Variants in GPC5 observed in about 807,000 individuals in gnomAD.
GPC5 encodes the protein glypican-5.
GPC5 carries 47 observed loss-of-function variants against 53.9 expected under a neutral mutation model. That is an observed-to-expected ratio of 0.87 (90% CI 0.69 to 1.11). The LOEUF (loss-of-function observed/expected upper bound fraction) is 1.11, where lower values mean the gene tolerates loss of function less well. Among genes scored for constraint, GPC5 ranks in the 50% most tolerant of loss-of-function variants. The probability of loss-of-function intolerance (pLI) is 0.00; values close to 1 mark genes in which losing one functional copy is unlikely to be tolerated. For synonymous variants in GPC5, 286 were observed against 263.3 expected, an observed-to-expected ratio of 1.09 and a Z score of -0.84; for missense variants, 748 against 713.1, an observed-to-expected ratio of 1.05 and a Z score of -0.56.
chr13:92,429,221 C>T (rs1252047839), intron 7 of GPC5, among the ~76,000 whole-genome samples: 5 of 151,818 alleles, frequency 3.3e-5, no homozygotes, highest in African/African-American at 1.2e-4. Context: ...TCATGAAAAA[C>T]CATTCAAAAT....
In GPC5 at chr13:91,605,347, G is replaced by T. The variant is rs1422772234; in HGVS notation, c.326-87840G>T. 2.2e-3 allele frequency among the ~76,000 whole-genome samples: 316 copies of T among 143,402 alleles called. 2 individuals carry two copies. The highest frequency in any genetic ancestry group is 7.8e-3 in the African/African-American group (300 of 38,464). 94.1% of individuals were successfully genotyped at this position (143,402 alleles called of 152,430 possible). The stretch of plus-strand genomic sequence containing the variant: ...TTGGTACCAGTACCATGCTGTTTTG[G>T]TTACTGTAGCCTTGTAGTATAGTTT... On this transcript the variant is annotated intron_variant, in intron 2 of 7. Coordinates refer to ENST00000377067, the MANE Select transcript of GPC5 (RefSeq NM_004466.6).
At chr13:92,768,375 T>G (rs1411394970) in intron 7 of GPC5, among the ~76,000 whole-genome samples, 1 of 152,208 alleles carries the variant, frequency 6.6e-6, no homozygotes, top group Non-Finnish European at 1.5e-5. Context: ...GGTTCATTAA[T>G]TCCTGTTCCT....
chr13:92,018,169 G>T (rs1181835905), intron 6 of GPC5, among the ~76,000 whole-genome samples: 2 of 152,116 alleles, frequency 1.3e-5, no homozygotes, highest in African/African-American at 4.8e-5. Context: ...TTTGAGAATT[G>T]CATAAATGCC....
chr13:92,258,661 G>A (rs561816555), intron 7 of GPC5, among the ~76,000 whole-genome samples: 2 of 152,198 alleles, frequency 1.3e-5, no homozygotes, highest in African/African-American at 2.4e-5. Flanking sequence ...TGTCGTTAAT[G>A]GTAATTGGTA....
intron 2 of GPC5, among the ~76,000 whole-genome samples, chr13:91,576,742 G>C (rs1234424687): frequency 6.6e-6 from 1 of 152,106 alleles, no homozygotes; most frequent in African/African-American, 2.4e-5. Context: ...AAAGGCATAT[G>C]GCTAAGTCAG....
chr13:92,767,927 G>T (rs1310507266), intron 7 of GPC5, among the ~76,000 whole-genome samples: 1 of 152,006 alleles, frequency 6.6e-6, no homozygotes, highest in African/African-American at 2.4e-5. Flanking sequence ...AATTTTTATG[G>T]AATCTTTTGT....
Position 92,866,722 on chromosome 13 carries a change from TAAG to T in GPC5, c.*289_*291del, listed in dbSNP as rs565817612. The T allele has an allele frequency of 1.8e-4, 39 of 220,760 alleles. No individual in the cohort carries two copies. In the South Asian group the frequency reaches 2.3e-3, roughly 13 times the overall value. 13.7% of individuals were successfully genotyped at this position (220,760 alleles called of 1,614,324 possible). ...TGAAGGGCACAGAAGTGACTTTGAA[TAAG>T]AAGAATTTAGTGTATCTGTAATTTT... On this transcript the variant is annotated 3_prime_UTR_variant, in exon 8 of 8. Coordinates refer to ENST00000377067, the MANE Select transcript of GPC5 (RefSeq NM_004466.6).
chr13:91,896,142 C>T (rs61966377), intron 5 of GPC5, among the ~76,000 whole-genome samples: 25,966 of 140,640 alleles, frequency 0.18, 2,681 homozygotes, highest in African/African-American at 0.3. Flanking sequence ...TTTTTTGAGG[C>T]AGAGTCTCGC....
intron 6 of GPC5, among the ~76,000 whole-genome samples, chr13:92,091,826 A>T (rs1594759449): frequency 6.6e-6 from 1 of 152,070 alleles, no homozygotes; most frequent in East Asian, 1.9e-4. Context: ...TCACAATTTC[A>T]ATTCTACCCT....
At chr13:92,112,785 G>C (rs938161686) in intron 6 of GPC5, among the ~76,000 whole-genome samples, 1 of 152,070 alleles carries the variant, frequency 6.6e-6, no homozygotes, top group African/African-American at 2.4e-5. Flanking sequence ...TCTGAGCATA[G>C]TATAGGTTGA....
At chr13:92,106,400 T>A (rs1424500698) in intron 6 of GPC5, among the ~76,000 whole-genome samples, 1 of 152,094 alleles carries the variant, frequency 6.6e-6, no homozygotes, top group African/African-American at 2.4e-5. Context: ...ATATTTATTT[T>A]AATTATATGA....
intron 7 of GPC5, among the ~76,000 whole-genome samples, chr13:92,785,991 A>G (rs181942558): frequency 2.0e-5 from 3 of 152,322 alleles, no homozygotes; most frequent in African/African-American, 7.2e-5. Flanking sequence ...TACTTTGTCA[A>G]TTACTCAAAA....
chr13:91,590,652 T>C (rs1489241762), intron 2 of GPC5, among the ~76,000 whole-genome samples: 1 of 152,194 alleles, frequency 6.6e-6, no homozygotes, highest in Non-Finnish European at 1.5e-5. Flanking sequence ...GAACATTGAA[T>C]GTATGAATTT....
At chr13:92,134,037 A>G (rs758693838) in intron 6 of GPC5, among the ~76,000 whole-genome samples, 2 of 151,928 alleles carry the variant, frequency 1.3e-5, no homozygotes, top group Non-Finnish European at 2.9e-5. Context: ...AAATTAATAC[A>G]CTCTTGGTAG....
intron 6 of GPC5, 101 bp from the exon 7 acceptor site, chr13:92,144,729 T>C: frequency 2.7e-6 from 3 of 1,107,624 alleles, no homozygotes; most frequent in Admixed American, 4.7e-5. Context: ...ACCAAAAGAG[T>C]GGATCCACAT....
intron 7 of GPC5, among the ~76,000 whole-genome samples, chr13:92,470,081 T>G (rs950929900): frequency 2.0e-5 from 3 of 152,124 alleles, no homozygotes; most frequent in African/African-American, 7.2e-5. Context: ...TTTTAAAAGG[T>G]AATTTTCCCT....
intron 3 of GPC5, among the ~76,000 whole-genome samples, chr13:91,697,660 T>A (rs2035908576): frequency 6.6e-6 from 1 of 152,120 alleles, no homozygotes; most frequent in South Asian, 2.1e-4. Flanking sequence ...ATTACCCTCT[T>A]GTTAATAAAT....
intron 7 of GPC5, among the ~76,000 whole-genome samples, chr13:92,606,995 C>A (rs1884280098): frequency 6.6e-6 from 1 of 152,052 alleles, no homozygotes; most frequent in Non-Finnish European, 1.5e-5. Flanking sequence ...TTTAGAATTT[C>A]TGTCAAATCT....
chr13:92,627,231 A>T (rs1442784111), intron 7 of GPC5, among the ~76,000 whole-genome samples: 1 of 152,242 alleles, frequency 6.6e-6, no homozygotes, highest in Non-Finnish European at 1.5e-5. Flanking sequence ...TCCAGAAAGC[A>T]GGTTTCACCT....
Sources: allele counts gnomAD v4.1 joint callset (sites outside exome capture counted in the v4.1 genomes callset), GRCh38; gene constraint gnomAD v4.1.1; transcripts MANE v1.5; gene names NCBI Gene and HGNC (gene_info 2026-07-23, HGNC 2026-07-21).